FAXDC2: variants seen among roughly 807,000 people sequenced by gnomAD.
The protein encoded by FAXDC2 is fatty acid hydroxylase domain-containing protein 2.
In FAXDC2, 41 loss-of-function variants were observed where a neutral mutation model predicts 40.9. The ratio of observed to expected loss-of-function variants is 1.00; its 90% CI spans 0.78 to 1.30. The LOEUF is 1.30. Ranked by LOEUF, FAXDC2 falls within the 50% of genes most tolerant of loss-of-function variation. The probability of loss-of-function intolerance (pLI) is 0.00; values close to 1 mark genes in which losing one functional copy is unlikely to be tolerated. For missense variants in FAXDC2, 390 were observed against 408.8 expected (o/e 0.95, Z 0.40); for synonymous variants, 157 against 149.3 (o/e 1.05, Z -0.38).
In FAXDC2 at chr5:154,823,484, C is replaced by G. The variant is rs974161332; in HGVS notation, c.475G>C (p.Asp159His). ...GTGGGTAGCTCACGGCGGCAGGGGT[C>G]TCTCCACCATTTGAGGAAGGGATAG... Reference protein sequence around the residue: ...FLYPFLKWWRDPCRRELPTFH... With the variant: ...FLYPFLKWWRHPCRRELPTFH... Residue 159 changes from aspartate (D) to histidine (H), a missense_variant, in exon 6 of 9, where the codon GAC (aspartate) becomes CAC (histidine). Transcript: ENST00000326080. 13 of 1,614,028 alleles carry G rather than the reference C, an allele frequency of 8.1e-6. No individual in the cohort carries two copies. The highest frequency in any genetic ancestry group is 4.0e-5 in the African/African-American group (3 of 74,906).
At chr5:154,838,048 G>A (rs1411114138) in intron 2 of FAXDC2, 83 bp downstream of exon 2, 6 of 899,420 alleles carry the variant, frequency 6.7e-6, no homozygotes, top group Non-Finnish European at 1.1e-5. Flanking sequence ...TGGGGGAGAT[G>A]TTGGATGCAT....
rs17641488 is a variant in FAXDC2, at chr5:154,823,561, C to A, written c.398G>T (p.Arg133Leu). 1 of 1,613,978 alleles carries A rather than the reference C, an allele frequency of 6.2e-7. No homozygotes were observed. The highest frequency in any genetic ancestry group is 2.2e-5 in the East Asian group (1 of 44,874). ...CATGCACTGGTTGAAAAGAACTGTG[C>A]GGATAGACTGGCGCAGTTTCACAGG... is the stretch of plus-strand genomic sequence containing the variant. Reference protein sequence around the residue: ...VDPVKLRQSIRTVLFNQCMIS... With the variant: ...VDPVKLRQSILTVLFNQCMIS... Residue 133 changes from arginine (R) to leucine (L), a missense_variant, in exon 6 of 9, where the codon CGC becomes CTC. Coordinates refer to ENST00000326080, the MANE Select transcript of FAXDC2 (RefSeq NM_032385.5).
chr5:154,834,806 C>T (rs775919112), intron 3 of FAXDC2, 37 bp downstream of exon 3: 1 of 1,594,034 alleles, frequency 6.3e-7, no homozygotes, highest in Non-Finnish European at 8.6e-7. Flanking sequence ...CCCCGACCAC[C>T]ACCACACTGC....
chr5:154,848,939 C>T (rs1277566009), intron 1 of FAXDC2, among the ~76,000 whole-genome samples: 1 of 151,568 alleles, frequency 6.6e-6, no homozygotes, highest in Non-Finnish European at 1.5e-5. Context: ...TGCACTCCAG[C>T]CTGGGCGCCA....
rs748985025 is a variant in FAXDC2 at position 154,821,337 on chromosome 5, G to T, written c.768C>A (p.Ile256=). The change falls in exon 8 of 9, where the codon ATC becomes ATA. Residue 256 remains isoleucine, a synonymous_variant. Transcript: ENST00000326080. ...AGCCACAGTGGGAGATGGTGGTGAT[G>T]ATGAGGGCCAAGGAAAACCACATGG... ...SITMWFSLAL[I]ITTISHCGYH... is the part of the protein sequence containing the mutation. The T allele has an allele frequency of 3.1e-6, 5 of 1,610,472 alleles. No individual in the cohort carries two copies. The East Asian group carries it at 1.1e-4, about 36-fold the overall frequency.
rs1759878718 is a variant in FAXDC2, at chr5:154,821,198, A to C, written c.845+62T>G. 20 of 1,365,666 alleles carry C rather than the reference A, an allele frequency of 1.5e-5. No homozygotes were observed. The South Asian group carries it at 2.5e-4, about 17-fold the overall frequency. 84.6% of individuals were successfully genotyped at this position (1,365,666 alleles called of 1,614,324 possible). A position where few individuals can be genotyped will look rare whatever the true frequency, so the allele number is the denominator to read the frequency against. Reference sequence around the variant, plus strand: ...TGAGATACCAGTGCCTGCTATCAGAAGCTTAAGGAGGGAGGGTGATGGTTG... The same window carrying C: ...TGAGATACCAGTGCCTGCTATCAGACGCTTAAGGAGGGAGGGTGATGGTTG... On this transcript the variant is annotated intron_variant, in intron 8 of 8. Transcript: ENST00000326080.
intron 2 of FAXDC2, among the ~76,000 whole-genome samples, chr5:154,835,882 A>ATTT: frequency 1.3e-5 from 1 of 77,212 alleles, no homozygotes; most frequent in Non-Finnish European, 2.5e-5. Context: ...CGCCCGGCCG[A>ATTT]CTTTTTTTTT....
intron 1 of FAXDC2, among the ~76,000 whole-genome samples, chr5:154,847,041 G>T (rs77092741): frequency 0.1 from 15,129 of 152,004 alleles, 825 homozygotes; most frequent in Admixed American, 0.15. Flanking sequence ...ATAGCTCACT[G>T]CAGCCTCAAT....
intron 4 of FAXDC2, 145 bp from the exon 5 acceptor site, chr5:154,831,067 T>A: frequency 1.1e-6 from 1 of 872,618 alleles, no homozygotes; most frequent in Non-Finnish European, 1.7e-6. Context: ...ACCAAGGGGT[T>A]ACCTGTAGTC....
chr5:154,848,563 T>TA (rs1464910488), intron 1 of FAXDC2, among the ~76,000 whole-genome samples: 13 of 152,320 alleles, frequency 8.5e-5, no homozygotes, highest in African/African-American at 3.1e-4. Flanking sequence ...GTAATGTAAT[T>TA]ACACAGTTTA....
At chr5:154,828,207 T>G (rs1760093030) in intron 5 of FAXDC2, among the ~76,000 whole-genome samples, 1 of 150,376 alleles carries the variant, frequency 6.6e-6, no homozygotes, top group Non-Finnish European at 1.5e-5. Flanking sequence ...CCCAGGCTGA[T>G]CTCAAACTCC....
Position 154,834,699 on chromosome 5 carries a change from C to A in FAXDC2, c.170G>T (p.Gly57Val), listed in dbSNP as rs1449483125. 3 of 1,613,690 alleles carry A rather than the reference C, an allele frequency of 1.9e-6. No individual in the cohort carries two copies. The highest frequency in any genetic ancestry group is 1.1e-5 in the South Asian group (1 of 90,980). ...WHLQRFWGAS[G>V]YFWQAQWERL... ...CTCCCACTGGGCTTGCCAAAAGTAG[C>A]CAGAAGCACCCCAAAATCTCTGAAG... Residue 57 changes from glycine to valine, a missense_variant, in exon 4 of 9, where the codon GGC (glycine) becomes GTC (valine). By Grantham distance (109) the Gly-to-Val change is moderately radical (BLOSUM62 -3). Transcript: ENST00000326080.
rs542196808 is a variant in FAXDC2, at chr5:154,823,621, G to T, written c.367-29C>A. 192 of 1,588,336 alleles carry T rather than the reference G, an allele frequency of 1.2e-4. 1 individual carries two copies. The South Asian group carries it at 1.8e-3, about 15-fold the overall frequency. On this transcript the variant is annotated intron_variant, in intron 5 of 8. Coordinates refer to ENST00000326080, the MANE Select transcript of FAXDC2 (RefSeq NM_032385.5). ...CCCAAGGGAAGGGAGGAGGGAGATG[G>T]ATAAGAGTGTGAGAAGTAGGCTCCA... is the stretch of plus-strand genomic sequence containing the variant.
At chr5:154,822,117 A>G (rs987720904) in intron 7 of FAXDC2, 1 of 192,384 alleles carries the variant, frequency 5.2e-6, no homozygotes, top group African/African-American at 2.4e-5. Context: ...GGTCTCAGCT[A>G]TTTGGAAGTG....
chr5:154,835,140 G>A (rs1760310638), intron 2 of FAXDC2: 2 of 517,550 alleles, frequency 3.9e-6, no homozygotes. Flanking sequence ...GTGTGTTTAT[G>A]AAAATTAGAG....
intron 5 of FAXDC2, among the ~76,000 whole-genome samples, chr5:154,828,051 T>C (rs1293925144): frequency 1.3e-5 from 2 of 151,716 alleles, no homozygotes; most frequent in Non-Finnish European, 2.9e-5. Flanking sequence ...GATCTCGTTC[T>C]GTCGCTTGGG....
At chr5:154,822,960 T>C (rs1360052357) in intron 6 of FAXDC2, among the ~76,000 whole-genome samples, 1 of 152,180 alleles carries the variant, frequency 6.6e-6, no homozygotes, top group Non-Finnish European at 1.5e-5. Context: ...AATGGGACAC[T>C]TGAGGCCAGG....
At chr5:154,835,370 C>G (rs1345067199) in intron 2 of FAXDC2, 3 of 169,084 alleles carry the variant, frequency 1.8e-5, no homozygotes, top group African/African-American at 7.2e-5. Flanking sequence ...TAAAGAGTCC[C>G]TGGGGGTGGG....
In FAXDC2 at chr5:154,820,230, A is replaced by C; in HGVS notation, c.*86T>G. 3.4e-6 allele frequency: 4 copies of C among 1,188,430 alleles called. No individual in the cohort carries two copies. Among genetic ancestry groups the C allele is most frequent in the Non-Finnish European group, 4.7e-6 (4 of 842,904 alleles). The allele number at this position is 1,188,430 out of a possible 1,614,324, so 73.6% of individuals were successfully genotyped here. A position where few individuals can be genotyped will look rare whatever the true frequency, so the allele number is the denominator to read the frequency against. Reference sequence around the variant, plus strand: ...GTGCCATCATTAGGGCGTGTGGCCGAAGGAGGCAAATTGTTAGGTGCAATC... The same window carrying C: ...GTGCCATCATTAGGGCGTGTGGCCGCAGGAGGCAAATTGTTAGGTGCAATC... On this transcript the variant is annotated 3_prime_UTR_variant, in exon 9 of 9. Coordinates refer to ENST00000326080, the MANE Select transcript of FAXDC2 (RefSeq NM_032385.5).
Sources: gnomAD v4.1 joint callset for allele counts (sites outside exome capture counted in the v4.1 genomes callset) on GRCh38, gnomAD v4.1.1 for gene constraint, MANE v1.5 for transcripts, NCBI Gene and HGNC (gene_info 2026-07-23, HGNC 2026-07-21) for gene names.